Variants in ADGRE1 observed in about 807,000 individuals in gnomAD.
The protein encoded by ADGRE1 is adhesion G protein-coupled receptor E1, also known as EGF-like module receptor 1.
In ADGRE1, 82 loss-of-function variants were observed where a neutral mutation model predicts 102.7. That is an observed-to-expected ratio of 0.80 (90% CI 0.67 to 0.96). The LOEUF is 0.96. Among genes scored for constraint, ADGRE1 ranks in the 40% least tolerant of loss-of-function variants. ADGRE1 has a pLI of 0.00. For synonymous variants in ADGRE1, 398 were observed against 399.6 expected (o/e 1.00, Z 0.05); for missense variants, 1,032 against 1,085.3 (o/e 0.95, Z 0.69).
intron 12 of ADGRE1, among the ~76,000 whole-genome samples, chr19:6,919,140 C>T (rs564267340): frequency 2.0e-5 from 3 of 152,144 alleles, no homozygotes; most frequent in Non-Finnish European, 2.9e-5. Flanking sequence ...TCAAGCGATT[C>T]CCCTGCCTCA....
At chr19:6,889,550 G>A (rs952035152) in intron 1 of ADGRE1, among the ~76,000 whole-genome samples, 5 of 151,518 alleles carry the variant, frequency 3.3e-5, no homozygotes, top group Non-Finnish European at 5.9e-5. Context: ...TTAGCTGGGC[G>A]TGGTGGTGCG....
intron 17 of ADGRE1, among the ~76,000 whole-genome samples, chr19:6,928,964 C>T (rs12982374): frequency 0.53 from 80,467 of 151,382 alleles, 23,396 homozygotes; most frequent in African/African-American, 0.77. Context: ...AAAGTTCTCC[C>T]TTCCAATCCT....
intron 13 of ADGRE1, 112 bp from the exon 14 acceptor site, chr19:6,921,601 A>G: frequency 1.6e-6 from 2 of 1,271,746 alleles, no homozygotes; most frequent in Non-Finnish European, 2.1e-6. Flanking sequence ...ATTCCCTCAG[A>G]ACATACCCTG....
chr19:6,906,119 T>A (rs1247674468), intron 8 of ADGRE1, among the ~76,000 whole-genome samples: 1 of 152,142 alleles, frequency 6.6e-6, no homozygotes, highest in African/African-American at 2.4e-5. Context: ...CCTCTTAGAG[T>A]GTAAGCTGTG....
chr19:6,913,751 G>C lies in ADGRE1; in HGVS notation c.1221G>C (p.Glu407Asp). 1 of 1,613,270 alleles carries C rather than the reference G, an allele frequency of 6.2e-7. No homozygotes were observed. Among genetic ancestry groups the C allele is most frequent in the Non-Finnish European group, 8.5e-7 (1 of 1,179,596 alleles). Residue 407 changes from glutamate (E) to aspartate (D), a missense_variant, in exon 11 of 21, where the codon GAG (glutamate) becomes GAC (aspartate). Transcript: ENST00000312053. ...CCTCCCTGGCCACAGTCTTCCTGGA[G>C]AGTGTGGAAAGCATGACACTGGCAT... ...ETSSLATVFL[E>D]SVESMTLASF...
In ADGRE1 at chr19:6,912,182, G is replaced by A. The variant is rs142255898; in HGVS notation, c.1123-1471G>A. ...CACAGAGATATACACACATGCACAC[G>A]CATGTACACAACCCAACACATACAC... On this transcript the variant is annotated intron_variant, in intron 10 of 20. Transcript: ENST00000312053. Among the ~76,000 whole-genome samples, 1,142 of 151,072 alleles carry A rather than the reference G, an allele frequency of 7.6e-3. 29 individuals are homozygous for A. The highest frequency in any genetic ancestry group is 0.051 in the Admixed American group (774 of 15,168).
intron 16 of ADGRE1, among the ~76,000 whole-genome samples, chr19:6,926,952 G>C (rs903621341): frequency 2.0e-5 from 3 of 152,024 alleles, no homozygotes; most frequent in Non-Finnish European, 2.9e-5. Context: ...CCAGCTACTC[G>C]GGAGGCCGAA....
At chr19:6,911,664 TACAC>T (rs1311960013) in intron 10 of ADGRE1, among the ~76,000 whole-genome samples, 18 of 150,192 alleles carry the variant, frequency 1.2e-4, no homozygotes, top group African/African-American at 4.2e-4. Context: ...CGCACACACA[TACAC>T]ATACATACAA....
At position 6,940,055 on chromosome 19, in the gene ADGRE1, T is replaced by C. The variant is rs1975608775; in HGVS notation, c.*26T>C. On this transcript the variant is annotated 3_prime_UTR_variant, in exon 21 of 21. Coordinates refer to ENST00000312053, the MANE Select transcript of ADGRE1 (RefSeq NM_001974.5). ...AGTCCTTTCTTGCTTTCAAATATGCTATGGAGCCACAGTTGAGGACAGTAG... is the reference window on the plus strand; with the variant it reads ...AGTCCTTTCTTGCTTTCAAATATGCCATGGAGCCACAGTTGAGGACAGTAG... 1 of 1,612,940 alleles carries C rather than the reference T, an allele frequency of 6.2e-7. No individual in the cohort carries two copies. Among genetic ancestry groups the C allele is most frequent in the Admixed American group, 1.7e-5 (1 of 59,938 alleles).
intron 17 of ADGRE1, among the ~76,000 whole-genome samples, chr19:6,930,179 C>G (rs1295676812): frequency 1.3e-5 from 2 of 152,124 alleles, no homozygotes; most frequent in Non-Finnish European, 2.9e-5. Context: ...TTTTTAAATC[C>G]TATGTCATCT....
At chr19:6,926,296 T>C in intron 15 of ADGRE1, 70 bp from the exon 16 acceptor site, 1 of 1,542,668 alleles carries the variant, frequency 6.5e-7, no homozygotes, top group Non-Finnish European at 8.9e-7. Flanking sequence ...GAGGAGTCTC[T>C]CTCTTCCTTT....
chr19:6,918,672 A>T (rs1278844142), intron 12 of ADGRE1, among the ~76,000 whole-genome samples: 1 of 152,220 alleles, frequency 6.6e-6, no homozygotes, highest in Non-Finnish European at 1.5e-5. Context: ...GTCCCTTAAA[A>T]ACACAAGTTC....
chr19:6,913,536 C>T, intron 10 of ADGRE1, 117 bp from the exon 11 acceptor site: 2 of 934,816 alleles, frequency 2.1e-6, no homozygotes, highest in Non-Finnish European at 3.0e-6. Flanking sequence ...CGAGTGGATG[C>T]CCCTTTTAAT....
chr19:6,933,882 A>G (rs1005551381), intron 17 of ADGRE1, among the ~76,000 whole-genome samples: 5 of 151,878 alleles, frequency 3.3e-5, no homozygotes, highest in Non-Finnish European at 7.4e-5. Context: ...AGGTGTATGT[A>G]TATCTTGCTC....
At chr19:6,937,435 T>TTC in intron 19 of ADGRE1, 24 bp downstream of exon 19, 3 of 1,288,844 alleles carry the variant, frequency 2.3e-6, no homozygotes, top group Non-Finnish European at 3.2e-6. Flanking sequence ...GCCCTCCCCA[T>TTC]CCCCCTCCTC....
chr19:6,897,056 G>T, intron 3 of ADGRE1, 93 bp from the exon 4 acceptor site: 1 of 1,278,426 alleles, frequency 7.8e-7, no homozygotes. Context: ...TATGGGATGG[G>T]AGATATTGTT....
chr19:6,893,447 C>T (rs146951644), intron 2 of ADGRE1, among the ~76,000 whole-genome samples: 4,611 of 152,246 alleles, frequency 0.03, 149 homozygotes, highest in African/African-American at 0.077. Flanking sequence ...GTGATCTGCC[C>T]GCCTTGGCCT....
At chr19:6,897,876 G>A (rs1973621361) in intron 5 of ADGRE1, 1 of 195,666 alleles carries the variant, frequency 5.1e-6, no homozygotes, top group South Asian at 1.4e-4. Context: ...TTTTGTTCCT[G>A]TCACAGCATT....
rs116771908 is a variant in ADGRE1 at position 6,932,868 on chromosome 19, G to C, written c.2290-2119G>C. 1.8e-3 allele frequency among the ~76,000 whole-genome samples: 277 copies of C among 152,304 alleles called. 2 individuals carry two copies. Among genetic ancestry groups the C allele is most frequent in the Middle Eastern group, 6.8e-3 (2 of 294 alleles). On this transcript the variant is annotated intron_variant, in intron 17 of 20. Transcript: ENST00000312053. ...ATATGTGTGAGATGCTTAGTACAAT[G>C]CCAGGCATTGCCAAGAGTGCAGTAA... is the stretch of plus-strand genomic sequence containing the variant.
Sources: allele counts gnomAD v4.1 joint callset (sites outside exome capture counted in the v4.1 genomes callset), GRCh38; gene constraint gnomAD v4.1.1; transcripts MANE v1.5; gene names NCBI Gene and HGNC (gene_info 2026-07-23, HGNC 2026-07-21).